The following ASCC3 variants were observed in gnomAD, a reference collection of about 807,000 sequenced individuals.
ASCC3 encodes ASC-1 complex subunit P200.
A neutral mutation model predicts 256.3 loss-of-function variants in ASCC3; 158 were observed. The observed-to-expected ratio is 0.62, with a 90% CI of 0.54 to 0.70. ASCC3 has a LOEUF of 0.70. ASCC3 is among the 30% of genes least tolerant of loss of function. The probability of loss-of-function intolerance (pLI) is 0.00; values close to 1 mark genes in which losing one functional copy is unlikely to be tolerated. For synonymous variants in ASCC3, 948 were observed against 883.4 expected (o/e 1.07, Z -1.30); for missense variants, 2,259 against 2,626.0 (o/e 0.86, Z 3.05).
intron 5 of ASCC3, among the ~76,000 whole-genome samples, chr6:100,801,053 A>G (rs1769893700): frequency 6.6e-6 from 1 of 152,072 alleles, no homozygotes; most frequent in Non-Finnish European, 1.5e-5. Context: ...AAGCAAAAGT[A>G]TGGTCCACCT....
chr6:100,647,815 G>A (rs907276800), intron 20 of ASCC3, among the ~76,000 whole-genome samples: 1 of 151,950 alleles, frequency 6.6e-6, no homozygotes, highest in African/African-American at 2.4e-5. Context: ...GTGAATAGTG[G>A]AATGATTAAA....
chr6:100,531,991 C>CT (rs998871754), intron 37 of ASCC3, among the ~76,000 whole-genome samples: 12 of 146,066 alleles, frequency 8.2e-5, no homozygotes, highest in Middle Eastern at 3.5e-3. Context: ...TTTGTTTTTA[C>CT]TTTTTTTTTT....
At chr6:100,746,588 C>T (rs1181750557) in intron 10 of ASCC3, among the ~76,000 whole-genome samples, 1 of 152,082 alleles carries the variant, frequency 6.6e-6, no homozygotes, top group African/African-American at 2.4e-5. Context: ...GAATTAATAA[C>T]AGCTAGAAGC....
chr6:100,526,201 C>T (rs1224568945), intron 37 of ASCC3, among the ~76,000 whole-genome samples: 4 of 152,132 alleles, frequency 2.6e-5, no homozygotes, highest in Admixed American at 6.6e-5. Context: ...TGAGTAAAAG[C>T]GCTTCAAGTG....
chr6:100,582,066 C>T (rs1288222004), intron 36 of ASCC3, among the ~76,000 whole-genome samples: 12 of 151,718 alleles, frequency 7.9e-5, no homozygotes, highest in East Asian at 7.7e-4. Flanking sequence ...CTTGGTGATG[C>T]GGGCTCTTTT....
intron 30 of ASCC3, among the ~76,000 whole-genome samples, chr6:100,624,162 CAA>C (rs1774114158): frequency 6.6e-6 from 1 of 150,970 alleles, no homozygotes; most frequent in South Asian, 2.1e-4. Flanking sequence ...AATAAACTAG[CAA>C]AGTTACCTAA....
At chr6:100,641,376 T>C (rs1179857241) in intron 24 of ASCC3, among the ~76,000 whole-genome samples, 3 of 152,346 alleles carry the variant, frequency 2.0e-5, no homozygotes, top group African/African-American at 4.8e-5. Context: ...CCTGACTTTT[T>C]AATGATCGCC....
chr6:100,665,270 A>G (rs1776408360), intron 14 of ASCC3, among the ~76,000 whole-genome samples: 1 of 152,142 alleles, frequency 6.6e-6, no homozygotes, highest in Admixed American at 6.6e-5. Context: ...AGGAGGTAGG[A>G]GTCACTTCTA....
intron 12 of ASCC3, among the ~76,000 whole-genome samples, chr6:100,716,538 T>G (rs1237138864): frequency 1.3e-5 from 2 of 151,956 alleles, no homozygotes; most frequent in African/African-American, 4.8e-5. Flanking sequence ...TCTTATGACC[T>G]ATAACGGCTA....
At position 100,508,352 on chromosome 6, in the gene ASCC3, CA is replaced by C. The variant is rs1366005748; in HGVS notation, c.*1033del. ...GGCTAAGAAAACTGAAATTATTTCA[CA>C]AAGGTAGAATTTCATTCCACTAGAA... is the stretch of plus-strand genomic sequence containing the variant. On this transcript the variant is annotated 3_prime_UTR_variant, in exon 42 of 42. Transcript: ENST00000369162. The C allele has an allele frequency of 2.0e-5, 3 of 152,070 alleles. No individual in the cohort carries two copies. The highest frequency in any genetic ancestry group is 7.2e-5 in the African/African-American group (3 of 41,418). The allele number at this position is 152,070 out of a possible 1,614,324, so 9.4% of individuals were successfully genotyped here. A position where few individuals can be genotyped will look rare whatever the true frequency, so the allele number is the denominator to read the frequency against.
intron 13 of ASCC3, among the ~76,000 whole-genome samples, chr6:100,706,472 T>C (rs137988011): frequency 1.3e-5 from 2 of 151,846 alleles, no homozygotes; most frequent in East Asian, 3.9e-4. Context: ...TCCAAGTTCC[T>C]GAAAACAAAC....
At chr6:100,795,301 T>A (rs766010241) in intron 8 of ASCC3, among the ~76,000 whole-genome samples, 3 of 150,908 alleles carry the variant, frequency 2.0e-5, no homozygotes, top group Non-Finnish European at 2.9e-5. Context: ...AAAGCCTATC[T>A]GGGAATCAGG....
At chr6:100,529,058 G>A (rs1228739611) in intron 37 of ASCC3, among the ~76,000 whole-genome samples, 3 of 152,072 alleles carry the variant, frequency 2.0e-5, no homozygotes, top group African/African-American at 7.2e-5. Context: ...GGCACCATCA[G>A]TGGTGGTGGT....
intron 3 of ASCC3, chr6:100,857,290 C>T (rs961130217): frequency 8.6e-5 from 13 of 151,978 alleles, no homozygotes; most frequent in African/African-American, 3.1e-4. Context: ...CGTATTTAAC[C>T]TGGATAAAAG....
chr6:100,767,314 C>CCA lies in ASCC3; in HGVS notation c.1426_1427insTG (p.Arg476MetfsTer9), dbSNP rs1781702883. 1 of 1,608,244 alleles carries CCA rather than the reference C, an allele frequency of 6.2e-7. No homozygotes were observed. On this transcript the variant is annotated frameshift_variant, in exon 9 of 42. Transcript: ENST00000369162. LOFTEE classifies it high-confidence loss of function. ...CACTATTGACTGGATTCTATTGAGT[C>CCA]TCTTCATTCCTTTAAAAGCCAGCTG...
At chr6:100,588,324 G>A (rs1350011844) in intron 36 of ASCC3, among the ~76,000 whole-genome samples, 4 of 152,032 alleles carry the variant, frequency 2.6e-5, no homozygotes, top group South Asian at 2.1e-4. Flanking sequence ...AGATAAATAC[G>A]AAAGAAGTTA....
intron 3 of ASCC3, chr6:100,857,183 T>G (rs559352043): frequency 6.6e-6 from 1 of 152,250 alleles, no homozygotes; most frequent in South Asian, 2.1e-4. Context: ...CCTTTTCATG[T>G]TTACTGGTCA....
intron 4 of ASCC3, among the ~76,000 whole-genome samples, chr6:100,811,115 C>G (rs893976840): frequency 5.3e-5 from 8 of 152,066 alleles, no homozygotes; most frequent in Admixed American, 2.0e-4. Flanking sequence ...GGAGTTGAAT[C>G]AAAAAATCAC....
chr6:100,664,256 G>T (rs1284792195), intron 14 of ASCC3, among the ~76,000 whole-genome samples: 1 of 151,994 alleles, frequency 6.6e-6, no homozygotes, highest in Non-Finnish European at 1.5e-5. Flanking sequence ...TTACTTAAGG[G>T]CTGGATAATG....
Sources: gnomAD v4.1 joint callset for allele counts (sites outside exome capture counted in the v4.1 genomes callset) on GRCh38, gnomAD v4.1.1 for gene constraint, MANE v1.5 for transcripts, NCBI Gene and HGNC (gene_info 2026-07-23, HGNC 2026-07-21) for gene names.